GALNT17: variants seen among roughly 807,000 people sequenced by gnomAD.
GALNT17 encodes polypeptide N-acetylgalactosaminyltransferase 17.
Under a neutral mutation model 63.7 loss-of-function variants are expected in GALNT17, and 29 were observed. That is an observed-to-expected ratio of 0.46 (90% CI 0.34 to 0.62). GALNT17 has a LOEUF of 0.62. GALNT17 is among the 20% of genes least tolerant of loss of function. GALNT17 has a pLI of 0.01. For missense variants in GALNT17, 603 were observed against 799.6 expected (o/e 0.75, Z 2.97); for synonymous variants, 305 against 318.3 (o/e 0.96, Z 0.45).
intron 2 of GALNT17, among the ~76,000 whole-genome samples, chr7:71,362,041 C>T (rs1163526692): frequency 2.0e-5 from 3 of 152,162 alleles, no homozygotes; most frequent in Non-Finnish European, 4.4e-5. Context: ...ACTGCAACCT[C>T]TGCCTCTTGG....
At chr7:71,524,856 A>G (rs540440541) in intron 5 of GALNT17, among the ~76,000 whole-genome samples, 5 of 152,222 alleles carry the variant, frequency 3.3e-5, no homozygotes, top group African/African-American at 9.6e-5. Flanking sequence ...TTTTAAACTC[A>G]GTTTTGGAGT....
At position 71,712,162 on chromosome 7, in the gene GALNT17, G is replaced by A. The variant is rs1217568355; in HGVS notation, c.*16G>A. The A allele has an allele frequency of 1.2e-6, 2 of 1,607,836 alleles. No individual in the cohort carries two copies. The highest frequency in any genetic ancestry group is 1.7e-6 in the Non-Finnish European group (2 of 1,176,648). On this transcript the variant is annotated 3_prime_UTR_variant, in exon 11 of 11. Coordinates refer to ENST00000333538, the MANE Select transcript of GALNT17 (RefSeq NM_022479.3). Reference sequence around the variant, plus strand: ...CATCAAGTAGAGGGAGGGAGCTGGGGCACTGGAGCCTGGCCCCCAGGACAT... The same window carrying A: ...CATCAAGTAGAGGGAGGGAGCTGGGACACTGGAGCCTGGCCCCCAGGACAT...
chr7:71,235,088 T>C (rs1313794190), intron 1 of GALNT17, among the ~76,000 whole-genome samples: 1 of 151,898 alleles, frequency 6.6e-6, no homozygotes, highest in African/African-American at 2.4e-5. Context: ...CTGTCTCTAC[T>C]AAAATACAAA....
chr7:71,265,681 C>A (rs902358474), intron 1 of GALNT17, among the ~76,000 whole-genome samples: 5 of 152,148 alleles, frequency 3.3e-5, no homozygotes, highest in African/African-American at 1.2e-4. Flanking sequence ...TGGAAACAAC[C>A]AGCCTCTCTA....
intron 1 of GALNT17, among the ~76,000 whole-genome samples, chr7:71,319,221 A>G (rs973655752): frequency 6.6e-6 from 1 of 151,646 alleles, no homozygotes; most frequent in African/African-American, 2.4e-5. Flanking sequence ...CTTTTTGGAA[A>G]AATTGCCTCT....
chr7:71,546,723 A>G (rs978570752), intron 5 of GALNT17, among the ~76,000 whole-genome samples: 2 of 152,308 alleles, frequency 1.3e-5, no homozygotes, highest in South Asian at 4.1e-4. Context: ...CTACATATAT[A>G]TGAAGTTCAT....
intron 5 of GALNT17, among the ~76,000 whole-genome samples, chr7:71,558,441 G>C (rs1373563420): frequency 6.6e-6 from 1 of 151,906 alleles, no homozygotes; most frequent in East Asian, 1.9e-4. Context: ...TCAGTTATAA[G>C]TGTTCATCTG....
Position 71,185,005 on chromosome 7 carries a change from TC to T in GALNT17, c.238+51968del, listed in dbSNP as rs1458128600. 1.6e-4 allele frequency among the ~76,000 whole-genome samples: 20 copies of T among 126,100 alleles called. 1 individual carries two copies. The highest frequency in any genetic ancestry group is 6.9e-4 in the African/African-American group (19 of 27,440). The allele number at this position is 126,100 out of a possible 152,430, so 82.7% of individuals were successfully genotyped here. A position where few individuals can be genotyped will look rare whatever the true frequency, so the allele number is the denominator to read the frequency against. ...CTTCCTTCCTTCCTTCCTTCTTCCT[TC>T]CCTCCCTCCCTCCTTCCTTCCTTCC... is the stretch of plus-strand genomic sequence containing the variant. On this transcript the variant is annotated intron_variant, in intron 1 of 10. Coordinates refer to ENST00000333538, the MANE Select transcript of GALNT17 (RefSeq NM_022479.3).
At chr7:71,225,552 A>ATGT (rs553226950) in intron 1 of GALNT17, among the ~76,000 whole-genome samples, 120 of 152,360 alleles carry the variant, frequency 7.9e-4, no homozygotes, top group African/African-American at 2.5e-3. Context: ...ATTGAGCTGC[A>ATGT]TGTTAGCTTT....
chr7:71,635,066 G>T (rs1224646591), intron 6 of GALNT17, among the ~76,000 whole-genome samples: 2 of 151,790 alleles, frequency 1.3e-5, no homozygotes, highest in African/African-American at 4.8e-5. Flanking sequence ...AATTAGCTGG[G>T]CATGGTGGCA....
intron 1 of GALNT17, among the ~76,000 whole-genome samples, chr7:71,236,058 G>A (rs1237309156): frequency 6.6e-6 from 1 of 152,116 alleles, no homozygotes; most frequent in Non-Finnish European, 1.5e-5. Context: ...GCAGGCACCT[G>A]TAATCCCAGC....
intron 5 of GALNT17, among the ~76,000 whole-genome samples, chr7:71,500,889 A>G (rs10264362): frequency 0.32 from 48,837 of 151,782 alleles, 8,088 homozygotes; most frequent in East Asian, 0.48. Flanking sequence ...CCCCTTTACC[A>G]TATCGATCTA....
At chr7:71,628,658 C>T (rs913939822) in intron 6 of GALNT17, among the ~76,000 whole-genome samples, 6 of 150,730 alleles carry the variant, frequency 4.0e-5, no homozygotes, top group South Asian at 2.2e-4. Flanking sequence ...TGGCCAGGTG[C>T]GGTGGCTTAT....
intron 5 of GALNT17, among the ~76,000 whole-genome samples, chr7:71,526,203 C>T (rs1788621222): frequency 6.6e-6 from 1 of 152,138 alleles, no homozygotes; most frequent in South Asian, 2.1e-4. Context: ...GGATGTTAGA[C>T]TTTTTTCCTG....
At chr7:71,610,203 C>T (rs1790105553) in intron 6 of GALNT17, among the ~76,000 whole-genome samples, 1 of 152,084 alleles carries the variant, frequency 6.6e-6, no homozygotes, top group South Asian at 2.1e-4. Context: ...TAAAATGGTC[C>T]TAAATGACTA....
intron 5 of GALNT17, among the ~76,000 whole-genome samples, chr7:71,441,717 A>G (rs1787070251): frequency 6.6e-6 from 1 of 152,048 alleles, no homozygotes; most frequent in Non-Finnish European, 1.5e-5. Context: ...ACTCCCACTT[A>G]TGAGTGAGAA....
intron 5 of GALNT17, among the ~76,000 whole-genome samples, chr7:71,440,322 C>T (rs145948624): frequency 0.021 from 3,125 of 151,934 alleles, 51 homozygotes; most frequent in Non-Finnish European, 0.032. Flanking sequence ...TGCTCCCCCA[C>T]GACCTCTGAT....
chr7:71,249,568 C>T (rs907608279), intron 1 of GALNT17, among the ~76,000 whole-genome samples: 1 of 152,024 alleles, frequency 6.6e-6, no homozygotes, highest in African/African-American at 2.4e-5. Flanking sequence ...CATAGGAAAC[C>T]TTTTTTCCTC....
intron 6 of GALNT17, among the ~76,000 whole-genome samples, chr7:71,582,782 T>C (rs1032998174): frequency 6.6e-5 from 10 of 152,022 alleles, no homozygotes; most frequent in African/African-American, 2.4e-4. Context: ...TGCAAAGGAA[T>C]AAGAGTAACA....
Sources: gnomAD v4.1 joint callset for allele counts (sites outside exome capture counted in the v4.1 genomes callset) on GRCh38, gnomAD v4.1.1 for gene constraint, MANE v1.5 for transcripts, NCBI Gene and HGNC (gene_info 2026-07-23, HGNC 2026-07-21) for gene names.